The following DOCK2 variants were observed in gnomAD, a reference collection of about 807,000 sequenced individuals.
DOCK2 encodes dedicator of cytokinesis 2.
In DOCK2, 87 loss-of-function variants were observed where a neutral mutation model predicts 248.9. The ratio of observed to expected loss-of-function variants is 0.35; its 90% CI spans 0.29 to 0.42. DOCK2 has a LOEUF of 0.42. DOCK2 is among the 10% of genes least tolerant of loss of function. The pLI is 1.00. For missense variants in DOCK2, 1,747 were observed against 2,300.2 expected, an observed-to-expected ratio of 0.76 and a Z score of 4.92; for synonymous variants, 805 against 821.6, an observed-to-expected ratio of 0.98 and a Z score of 0.35.
At chr5:169,807,645 A>G (rs992651046) in intron 26 of DOCK2, among the ~76,000 whole-genome samples, 19 of 151,920 alleles carry the variant, frequency 1.3e-4, no homozygotes, top group Non-Finnish European at 2.2e-4. Context: ...ATCCTGGCTA[A>G]TACGGTGAAA....
At chr5:169,943,002 G>T (rs889334213) in intron 27 of DOCK2, among the ~76,000 whole-genome samples, 1 of 152,204 alleles carries the variant, frequency 6.6e-6, no homozygotes, top group African/African-American at 2.4e-5. Flanking sequence ...CATGGTTGTT[G>T]ATATCAATAG....
intron 27 of DOCK2, among the ~76,000 whole-genome samples, chr5:169,907,301 GAGA>G (rs976293286): frequency 7.2e-5 from 11 of 152,294 alleles, no homozygotes; most frequent in African/African-American, 1.9e-4. Flanking sequence ...CCAATTTTAG[GAGA>G]AGATTCTGCT....
chr5:169,959,652 A>G (rs1777003203), intron 27 of DOCK2, among the ~76,000 whole-genome samples: 1 of 152,190 alleles, frequency 6.6e-6, no homozygotes, highest in Non-Finnish European at 1.5e-5. Context: ...GTGTTGGACT[A>G]AAGGACTTTA....
At chr5:169,668,688 T>C (rs1758864767) in intron 2 of DOCK2, among the ~76,000 whole-genome samples, 1 of 152,212 alleles carries the variant, frequency 6.6e-6, no homozygotes, top group Non-Finnish European at 1.5e-5. Context: ...CATTGATACA[T>C]TTTTTAATAT....
intron 44 of DOCK2, among the ~76,000 whole-genome samples, chr5:170,060,062 T>G: frequency 6.6e-6 from 1 of 152,238 alleles, no homozygotes; most frequent in East Asian, 1.9e-4. Context: ...CTTGGTTATT[T>G]CCTCCATAAA....
intron 25 of DOCK2, among the ~76,000 whole-genome samples, chr5:169,797,434 A>G (rs564223516): frequency 1.9e-4 from 29 of 152,354 alleles, no homozygotes; most frequent in Admixed American, 1.3e-3. Flanking sequence ...CCATCAAATA[A>G]TTGCAAAAGC....
chr5:170,058,094 T>A (rs1757200923), intron 44 of DOCK2, among the ~76,000 whole-genome samples: 1 of 152,158 alleles, frequency 6.6e-6, no homozygotes, highest in Admixed American at 6.5e-5. Context: ...AAGGGAGAGA[T>A]CATTTGGCTA....
intron 44 of DOCK2, among the ~76,000 whole-genome samples, chr5:170,065,651 A>G (rs939200220): frequency 6.6e-6 from 1 of 152,224 alleles, no homozygotes; most frequent in Non-Finnish European, 1.5e-5. Flanking sequence ...TCTTACGTGG[A>G]TGGCAGCAGG....
At chr5:169,820,722 C>T (rs957133872) in intron 26 of DOCK2, among the ~76,000 whole-genome samples, 14 of 152,208 alleles carry the variant, frequency 9.2e-5, no homozygotes, top group Admixed American at 9.2e-4. Flanking sequence ...CTCTTCTCCT[C>T]CAAAGGAAAG....
chr5:169,883,675 A>G lies in DOCK2; in HGVS notation c.2799+42823A>G, dbSNP rs536216307. On this transcript the variant is annotated intron_variant, in intron 27 of 51. Transcript: ENST00000520908. ...GAAGGAGAGCGAGTAGGTGGGGGGA[A>G]GATGGTGCCTGGTTGCTTGAGTCTT... is the stretch of plus-strand genomic sequence containing the variant. 5.8e-6 allele frequency: 9 copies of G among 1,550,942 alleles called. No homozygotes were observed. In the Admixed American group the frequency reaches 1.4e-4, roughly 24 times the overall value.
intron 27 of DOCK2, among the ~76,000 whole-genome samples, chr5:169,976,882 G>A (rs990932392): frequency 1.3e-5 from 2 of 152,192 alleles, no homozygotes; most frequent in African/African-American, 4.8e-5. Flanking sequence ...CATCCAAGTG[G>A]CATCTTTCTG....
At position 169,803,158 on chromosome 5, in the gene DOCK2, C is replaced by T. The variant is rs141649591; in HGVS notation, c.2655C>T (p.Cys885=). 5.3e-5 allele frequency: 85 copies of T among 1,614,104 alleles called. No individual in the cohort carries two copies. Among genetic ancestry groups the T allele is most frequent in the African/African-American group, 5.1e-4 (38 of 75,024 alleles). The change falls in exon 26 of 52, where the codon TGC becomes TGT. Residue 885 remains cysteine, a synonymous_variant. Transcript: ENST00000520908. The stretch of plus-strand genomic sequence containing the variant: ...ACCAGGTCCTGGAGAGGAAGTACTG[C>T]GTTGAATTGCTCAACAGCATCTTGG... ...MQHQVLERKY[C]VELLNSILEV...
chr5:169,984,269 C>T (rs527438424), intron 28 of DOCK2, among the ~76,000 whole-genome samples: 1 of 152,138 alleles, frequency 6.6e-6, no homozygotes, highest in African/African-American at 2.4e-5. Flanking sequence ...CATCTATGAG[C>T]CAGGAGCCTT....
chr5:169,683,842 T>G (rs1283520550), intron 7 of DOCK2, among the ~76,000 whole-genome samples: 1 of 152,246 alleles, frequency 6.6e-6, no homozygotes, highest in African/African-American at 2.4e-5. Context: ...TTGTCAGATA[T>G]GTTTTGCAAG....
chr5:169,936,047 A>T (rs6859903), intron 27 of DOCK2, among the ~76,000 whole-genome samples: 40,005 of 152,046 alleles, frequency 0.26, 5,416 homozygotes, highest in Non-Finnish European at 0.29. Context: ...ACTGTAAAGA[A>T]GTCTGTTTCT....
intron 25 of DOCK2, among the ~76,000 whole-genome samples, chr5:169,793,560 G>C (rs1037220001): frequency 6.6e-6 from 1 of 152,050 alleles, no homozygotes; most frequent in Admixed American, 6.6e-5. Flanking sequence ...AGACAGTCAG[G>C]GTGCAATAAG....
In DOCK2 at chr5:170,050,368, G is replaced by T. The variant is rs1756872078; in HGVS notation, c.4184G>T (p.Gly1395Val). Residue 1395 changes from glycine to valine, a missense_variant, in exon 41 of 52, where the codon GGA (glycine) becomes GTA (valine). Physicochemically the swap from Gly to Val is moderately radical, Grantham distance 109 (BLOSUM62 -3). Coordinates refer to ENST00000520908, the MANE Select transcript of DOCK2 (RefSeq NM_004946.3). Reference protein sequence around the residue: ...AEKMNTTSAPGDDVKNAPGQY... With the variant: ...AEKMNTTSAPVDDVKNAPGQY... Reference sequence around the variant, plus strand: ...AAGATGAACACCACCTCTGCCCCGGGAGATGATGTGAAGAATGCCCCAGGC... The same window carrying T: ...AAGATGAACACCACCTCTGCCCCGGTAGATGATGTGAAGAATGCCCCAGGC... The T allele has an allele frequency of 6.2e-7, 1 of 1,614,118 alleles. No individual in the cohort carries two copies. Among genetic ancestry groups the T allele is most frequent in the East Asian group, 2.2e-5 (1 of 44,882 alleles).
intron 1 of DOCK2, among the ~76,000 whole-genome samples, chr5:169,640,171 T>G (rs1757073442): frequency 6.6e-6 from 1 of 152,212 alleles, no homozygotes; most frequent in Non-Finnish European, 1.5e-5. Flanking sequence ...CAAATAGGAG[T>G]ACCTTCTGAG....
chr5:169,856,593 G>T (rs375042150), intron 27 of DOCK2, among the ~76,000 whole-genome samples: 6 of 152,224 alleles, frequency 3.9e-5, no homozygotes, highest in South Asian at 4.2e-4. Context: ...GCTACTGAAG[G>T]TATATTGTTT....
Sources: allele counts gnomAD v4.1 joint callset (sites outside exome capture counted in the v4.1 genomes callset), GRCh38; gene constraint gnomAD v4.1.1; transcripts MANE v1.5; gene names NCBI Gene and HGNC (gene_info 2026-07-23, HGNC 2026-07-21).